The following SLC20A2 variants were observed in gnomAD, a reference collection of about 807,000 sequenced individuals.
The protein encoded by SLC20A2 is sodium-dependent phosphate transporter 2.
SLC20A2 carries 30 observed loss-of-function variants against 61.0 expected under a neutral mutation model. The ratio of observed to expected loss-of-function variants is 0.49; its 90% confidence interval spans 0.37 to 0.67. The LOEUF (loss-of-function observed/expected upper bound fraction) is 0.67. Ranked by LOEUF, SLC20A2 falls within the 30% of genes least tolerant of loss-of-function variation. The pLI is 0.00. For missense variants in SLC20A2, 626 were observed against 866.4 expected, an observed-to-expected ratio of 0.72 and a Z score of 3.48; for synonymous variants, 351 against 353.3, an observed-to-expected ratio of 0.99 and a Z score of 0.07.
chr8:42,483,269 G>A (rs1808690261), intron 1 of SLC20A2, among the ~76,000 whole-genome samples: 1 of 151,728 alleles, frequency 6.6e-6, no homozygotes, highest in Admixed American at 6.6e-5. Flanking sequence ...TACCAGGGAG[G>A]CTGAGGCGGA....
At chr8:42,452,283 A>AGGTG (rs1805787852) in intron 5 of SLC20A2, among the ~76,000 whole-genome samples, 4 of 141,972 alleles carry the variant, frequency 2.8e-5, no homozygotes, top group Non-Finnish European at 6.1e-5. Flanking sequence ...AAGAGATGGA[A>AGGTG]CAGGAAGAGA....
At chr8:42,504,216 C>G (rs1810497372), upstream of SLC20A2, among the ~76,000 whole-genome samples, 1 of 152,246 alleles carries the variant, frequency 6.6e-6, no homozygotes, top group Non-Finnish European at 1.5e-5. Context: ...ACTGGGATCA[C>G]AGGCATGAAC....
At chr8:42,540,582 T>C (rs1432862676) in intron 1 of SLC20A2, among the ~76,000 whole-genome samples, 1 of 152,264 alleles carries the variant, frequency 6.6e-6, no homozygotes, top group Non-Finnish European at 1.5e-5. Context: ...GTAATGGTCT[T>C]ACCCTAGACG....
upstream of SLC20A2, among the ~76,000 whole-genome samples, chr8:42,505,504 G>T (rs1170877493): frequency 6.6e-6 from 1 of 152,126 alleles, no homozygotes; most frequent in African/African-American, 2.4e-5. Context: ...TCAAGATTCT[G>T]CATTTTAGTT....
At chr8:42,500,952 C>T (rs1394052835) in intron 1 of SLC20A2, 79 bp downstream of exon 1, 1 of 152,126 alleles carries the variant, frequency 6.6e-6, no homozygotes, top group Non-Finnish European at 1.5e-5. Context: ...AAGAGATAAA[C>T]ATTACTATGA....
At position 42,526,341 on chromosome 8, in the gene SLC20A2, C is replaced by G. The variant is rs114122575; in HGVS notation, c.-265+15480G>C. Reference sequence around the variant, plus strand: ...AAATATCTGACTGGTGAACTGAAAACTGTCAAGGTCATTTAAAAAAAAAAA... The same window carrying G: ...AAATATCTGACTGGTGAACTGAAAAGTGTCAAGGTCATTTAAAAAAAAAAA... On this transcript the variant is annotated intron_variant, in intron 1 of 10. Transcript: ENST00000342228. Among the ~76,000 whole-genome samples, 683 of 151,700 alleles carry G rather than the reference C, an allele frequency of 4.5e-3. 1 individual carries two copies. The highest frequency in any genetic ancestry group is 0.015 in the African/African-American group (636 of 41,310).
chr8:42,456,789 C>A lies in SLC20A2; in HGVS notation c.613+3107G>T, dbSNP rs374674465. Reference sequence around the variant, plus strand: ...AAGATATCTCCCGTTACAGAGTTCACTTCCAACCCAGTGCTCCAGGCCTTC... The same window carrying A: ...AAGATATCTCCCGTTACAGAGTTCAATTCCAACCCAGTGCTCCAGGCCTTC... On this transcript the variant is annotated intron_variant, in intron 5 of 10. Coordinates refer to ENST00000520262, the MANE Select transcript of SLC20A2 (RefSeq NM_001257180.2). Among the ~76,000 whole-genome samples, 21 of 151,364 alleles carry A rather than the reference C, an allele frequency of 1.4e-4. No homozygotes were observed. In the East Asian group the frequency reaches 4.1e-3, roughly 29 times the overall value.
At chr8:42,423,309 T>C (rs183751306) in intron 10 of SLC20A2, among the ~76,000 whole-genome samples, 22 of 151,920 alleles carry the variant, frequency 1.4e-4, no homozygotes, top group Non-Finnish European at 5.9e-5. Context: ...TTAGAGATCA[T>C]GGTTAGCACA....
chr8:42,430,987 C>CTAT (rs1429952056), intron 8 of SLC20A2, among the ~76,000 whole-genome samples: 3 of 152,188 alleles, frequency 2.0e-5, no homozygotes, highest in Non-Finnish European at 4.4e-5. Flanking sequence ...CTCCTCCAGC[C>CTAT]TATTTCCTGA....
chr8:42,499,180 T>C (rs1481477959), intron 1 of SLC20A2, among the ~76,000 whole-genome samples: 1 of 152,066 alleles, frequency 6.6e-6, no homozygotes. Context: ...GCTCCTGGAC[T>C]CCTCCTGCGG....
At position 42,472,162 on chromosome 8, in the gene SLC20A2, C is replaced by T. The variant is rs779509036; in HGVS notation, c.229G>A (p.Val77Met). The T allele has an allele frequency of 9.9e-6, 16 of 1,613,926 alleles. No homozygotes were observed. Among genetic ancestry groups the T allele is most frequent in the East Asian group, 6.7e-5 (3 of 44,904 alleles). The change falls in exon 2 of 11, where the codon GTG (valine) becomes ATG (methionine). Residue 77 changes from valine (V) to methionine (M), a missense_variant. By Grantham distance (21) the Val-to-Met change is conservative (BLOSUM62 1). Around this residue, in one of 3 missense-constraint regions of SLC20A2, gnomAD observed 127 missense variants for 215.4 expected, o/e 0.59. Coordinates refer to ENST00000520262, the MANE Select transcript of SLC20A2 (RefSeq NM_001257180.2). The surrounding 1 kb of genome is among the most constrained non-coding windows in gnomAD (Gnocchi z 4.1). The stretch of plus-strand genomic sequence containing the variant: ...TCCACCGTCTCGTTGTACAGGTTCA[C>T]GTCAATGATACCTTTGCGAATGGTT... ...GETIRKGIID[V>M]NLYNETVETL...
intron 5 of SLC20A2, among the ~76,000 whole-genome samples, chr8:42,453,463 T>C (rs1202591267): frequency 6.6e-6 from 1 of 151,950 alleles, no homozygotes; most frequent in East Asian, 1.9e-4. Context: ...AACTTCACAA[T>C]AATTAAGAGT....
At position 42,534,382 on chromosome 8, in the gene SLC20A2, T is replaced by C. The variant is rs190471302; in HGVS notation, c.-265+7439A>G. ...TTAACACAATGGTTAAGAGACCTCA[T>C]ACATTTTCTATACATTTCTACTACC... On this transcript the variant is annotated intron_variant, in intron 1 of 10. Coordinates refer to the SLC20A2 transcript ENST00000342228. 2.0e-3 allele frequency among the ~76,000 whole-genome samples: 299 copies of C among 152,350 alleles called. 2 individuals carry two copies. Among genetic ancestry groups the C allele is most frequent in the Non-Finnish European group, 3.6e-3 (243 of 68,022 alleles).
chr8:42,442,009 A>G (rs953457957), intron 6 of SLC20A2, among the ~76,000 whole-genome samples: 4 of 147,606 alleles, frequency 2.7e-5, no homozygotes, highest in Non-Finnish European at 4.4e-5. Flanking sequence ...TCTCGGCTCA[A>G]TGCAACCTCT....
intron 5 of SLC20A2, among the ~76,000 whole-genome samples, chr8:42,452,357 GAGGAGGAAGAGATAAAGAGGAGA>G (rs1197382353): frequency 0.01 from 1,525 of 146,432 alleles, 34 homozygotes; most frequent in African/African-American, 0.038. Context: ...AATGGAGGAA[GAGGAGGAAGAGATAAAGAGGAGA>G]AGGAGGAAGA....
intron 4 of SLC20A2, 79 bp downstream of exon 4, chr8:42,462,926 C>T: frequency 1.3e-6 from 1 of 752,602 alleles, no homozygotes; most frequent in Non-Finnish European, 2.2e-6. Context: ...ATTCCTCTAA[C>T]CCCTCTCATT....
Position 42,417,062 on chromosome 8 carries a change from G to A in SLC20A2, c.*741C>T, listed in dbSNP as rs1289380653. The A allele has an allele frequency of 6.5e-6, 1 of 152,738 alleles. No individual in the cohort carries two copies. The highest frequency in any genetic ancestry group is 1.5e-5 in the Non-Finnish European group (1 of 68,090). The allele number at this position is 152,738 out of a possible 1,614,324, so 9.5% of individuals were successfully genotyped here. On this transcript the variant is annotated 3_prime_UTR_variant, in exon 11 of 11. Coordinates refer to ENST00000520262, the MANE Select transcript of SLC20A2 (RefSeq NM_001257180.2). ...GCGTGATCAGTGAGGGTGGGAGACAGACAATGTGAAAACGTAACACTGGCC... is the reference window on the plus strand; with the variant it reads ...GCGTGATCAGTGAGGGTGGGAGACAAACAATGTGAAAACGTAACACTGGCC...
chr8:42,424,515 TC>T (rs540255713), intron 10 of SLC20A2, among the ~76,000 whole-genome samples: 195 of 152,300 alleles, frequency 1.3e-3, no homozygotes, highest in African/African-American at 4.5e-3. Flanking sequence ...AAGGTATTAT[TC>T]CAGGAAAATA....
Position 42,428,772 on chromosome 8 carries a change from TGCTGACTGGAA to T in SLC20A2, c.1769_1779del (p.Leu590HisfsTer5). 2 of 1,611,710 alleles carry T rather than the reference TGCTGACTGGAA, an allele frequency of 1.2e-6. No individual in the cohort carries two copies. The highest frequency in any genetic ancestry group is 1.7e-6 in the Non-Finnish European group (2 of 1,179,106). ...CAGGGGCCTACCTTACAGTGCGTGG[TGCTGACTGGAA>T]GCCCGATGTTGGAGGCGATCACCAC... On this transcript the variant is annotated frameshift_variant, in exon 10 of 11. Coordinates refer to ENST00000520262, the MANE Select transcript of SLC20A2 (RefSeq NM_001257180.2). LOFTEE classifies it high-confidence loss of function.
Sources: allele counts gnomAD v4.1 joint callset (sites outside exome capture counted in the v4.1 genomes callset), GRCh38; gene constraint gnomAD v4.1.1; regional missense constraint gnomAD v4.1.1; non-coding constraint Gnocchi (gnomAD v3.1); transcripts MANE v1.5; gene names NCBI Gene and HGNC (gene_info 2026-07-23, HGNC 2026-07-21).